APP: variants seen among roughly 807,000 people sequenced by gnomAD.
The protein encoded by APP is amyloid beta precursor protein, also known as amyloid-beta precursor protein.
A neutral mutation model predicts 101.4 loss-of-function variants in APP; 31 were observed. The ratio of observed to expected loss-of-function variants is 0.31; its 90% confidence interval spans 0.23 to 0.41. The LOEUF (loss-of-function observed/expected upper bound fraction) is 0.41, where lower values mean the gene tolerates loss of function less well. APP is among the 10% of genes least tolerant of loss of function. The pLI is 1.00. For missense variants in APP, 839 were observed against 1,003.7 expected (o/e 0.84, Z 2.22); for synonymous variants, 366 against 364.4 (o/e 1.00, Z -0.05).
intron 15 of APP, among the ~76,000 whole-genome samples, chr21:25,899,588 C>T (rs973187771): frequency 5.9e-5 from 9 of 152,238 alleles, no homozygotes; most frequent in Non-Finnish European, 1.0e-4. Flanking sequence ...GTAACAGTGA[C>T]GTGAGTGAGC....
At chr21:26,057,397 A>C (rs45518140) in intron 3 of APP, among the ~76,000 whole-genome samples, 208 of 152,280 alleles carry the variant, frequency 1.4e-3, no homozygotes, top group African/African-American at 4.7e-3. Context: ...TACAGTATGC[A>C]TGTTTATTGA....
intron 15 of APP, among the ~76,000 whole-genome samples, chr21:25,898,295 A>G (rs1285084244): frequency 6.6e-6 from 1 of 152,218 alleles, no homozygotes; most frequent in Non-Finnish European, 1.5e-5. Flanking sequence ...GCTTCTTAGC[A>G]ACTAACAGAA....
At chr21:26,126,410 C>CA (rs2062685959) in intron 1 of APP, among the ~76,000 whole-genome samples, 1 of 152,222 alleles carries the variant, frequency 6.6e-6, no homozygotes, top group African/African-American at 2.4e-5. Flanking sequence ...CCATAACACT[C>CA]ACTTTGTTTT....
intron 16 of APP, among the ~76,000 whole-genome samples, chr21:25,897,302 G>T (rs1226142216): frequency 6.6e-6 from 1 of 152,130 alleles, no homozygotes. Context: ...TTTTAGTAGA[G>T]ATGGGGTTTC....
At chr21:25,900,222 T>C (rs555724192) in intron 15 of APP, among the ~76,000 whole-genome samples, 1 of 152,084 alleles carries the variant, frequency 6.6e-6, no homozygotes, top group Middle Eastern at 3.4e-3. Flanking sequence ...TAGAGCTCAC[T>C]CCTTTTCTGT....
chr21:26,121,255 T>TA (rs1312492102), intron 1 of APP, among the ~76,000 whole-genome samples: 5 of 152,200 alleles, frequency 3.3e-5, no homozygotes, highest in African/African-American at 7.2e-5. Context: ...TGCCCTGAAA[T>TA]AGAGTATCCC....
chr21:26,049,179 G>A (rs2045734191), intron 5 of APP, among the ~76,000 whole-genome samples: 1 of 152,186 alleles, frequency 6.6e-6, no homozygotes, highest in South Asian at 2.1e-4. Flanking sequence ...GAAGCCTGGG[G>A]GTGTGGGGGA....
rs867455782 is a variant in APP, at chr21:25,955,814, T to C, written c.1459-59A>G. The C allele has an allele frequency of 1.0e-4, 162 of 1,612,252 alleles. 1 individual carries two copies. The highest frequency in any genetic ancestry group is 1.2e-4 in the Non-Finnish European group (147 of 1,178,944). On this transcript the variant is annotated intron_variant, in intron 11 of 17. Transcript: ENST00000346798. Reference sequence around the variant, plus strand: ...TTTGTGCAAAACACTGCTTCTTCCATTGGCGATGGGTTAGAGGTTCCACTA... The same window carrying C: ...TTTGTGCAAAACACTGCTTCTTCCACTGGCGATGGGTTAGAGGTTCCACTA...
intron 13 of APP, among the ~76,000 whole-genome samples, chr21:25,930,648 C>T (rs1223648107): frequency 6.6e-6 from 1 of 152,068 alleles, no homozygotes. Context: ...ACAGACAGCA[C>T]ATCATCCTTG....
intron 3 of APP, among the ~76,000 whole-genome samples, chr21:26,084,332 G>A (rs866592368): frequency 7.1e-6 from 1 of 140,696 alleles, no homozygotes; most frequent in South Asian, 2.2e-4. Flanking sequence ...TCCGCCTCCC[G>A]GGTTCACGCC....
At chr21:26,083,520 T>C (rs2061639634) in intron 3 of APP, among the ~76,000 whole-genome samples, 1 of 152,258 alleles carries the variant, frequency 6.6e-6, no homozygotes, top group South Asian at 2.1e-4. Flanking sequence ...TGATTATTTT[T>C]AGCTAGTGGT....
At chr21:25,933,004 G>A (rs1223993334) in intron 13 of APP, among the ~76,000 whole-genome samples, 4 of 152,262 alleles carry the variant, frequency 2.6e-5, no homozygotes, top group African/African-American at 9.6e-5. Flanking sequence ...CATAATAGAT[G>A]TGCATATTTT....
Position 26,089,987 on chromosome 21 carries a change from T to C in APP, c.311A>G (p.Gln104Arg), listed in dbSNP as rs1449764914. ...CACAAAGTGGGGATGGGTCTTGCAC[T>C]GCTTGCGGCCCCGCTTGCACCAGTT... ...IQNWCKRGRK[Q>R]CKTHPHFVIP... Residue 104 changes from glutamine to arginine, a missense_variant, in exon 3 of 18, where the codon CAG becomes CGG. Transcript: ENST00000346798. 6.2e-7 allele frequency: 1 copy of C among 1,614,232 alleles called. No individual in the cohort carries two copies. The highest frequency in any genetic ancestry group is 1.7e-5 in the Admixed American group (1 of 60,026).
rs113902200 is a variant in APP, at chr21:25,997,359, C to G, written c.1090+1G>C. 1 of 1,613,560 alleles carries G rather than the reference C, an allele frequency of 6.2e-7. No homozygotes were observed. Among genetic ancestry groups the G allele is most frequent in the Non-Finnish European group, 8.5e-7 (1 of 1,179,530 alleles). ...CTTCCCTCAGGTGAATGACAACGTA[C>G]GTTTAACAGGATCTCGGGCAAGAGG... is the stretch of plus-strand genomic sequence containing the variant. On this transcript the variant is annotated splice_donor_variant, in intron 8 of 17. Transcript: ENST00000346798. LOFTEE classifies it high-confidence loss of function.
chr21:26,087,541 G>A (rs1358612445), intron 3 of APP, among the ~76,000 whole-genome samples: 3 of 152,184 alleles, frequency 2.0e-5, no homozygotes, highest in Admixed American at 1.3e-4. Context: ...GAATCTGTTC[G>A]GAGGATGAAA....
chr21:26,157,311 C>A (rs141948007), intron 1 of APP, among the ~76,000 whole-genome samples: 121 of 152,236 alleles, frequency 7.9e-4, no homozygotes, highest in Admixed American at 2.1e-3. Flanking sequence ...CTCAAGTGAT[C>A]CACCCACCTC....
At chr21:26,038,071 T>A (rs950348859) in intron 5 of APP, among the ~76,000 whole-genome samples, 1 of 152,162 alleles carries the variant, frequency 6.6e-6, no homozygotes, top group African/African-American at 2.4e-5. Context: ...CTATTTAAAA[T>A]GTCCAAAACA....
intron 15 of APP, among the ~76,000 whole-genome samples, chr21:25,903,832 C>T (rs995827529): frequency 6.6e-6 from 1 of 152,200 alleles, no homozygotes; most frequent in Non-Finnish European, 1.5e-5. Flanking sequence ...ATCAACGAGA[C>T]CAGCTGTCAA....
In APP at chr21:25,918,292, C is replaced by T. The variant is rs546999089; in HGVS notation, c.1688-6330G>A. 1.8e-4 allele frequency among the ~76,000 whole-genome samples: 27 copies of T among 152,224 alleles called. 1 individual carries two copies. Among genetic ancestry groups the T allele is most frequent in the South Asian group, 1.0e-3 (5 of 4,824 alleles). The stretch of plus-strand genomic sequence containing the variant: ...TGGAACCAACCAAAATGTCCATCAA[C>T]GATAGACTGGATAAAGAAAATGTGG... On this transcript the variant is annotated intron_variant, in intron 13 of 17. Transcript: ENST00000346798.
Sources: gnomAD v4.1 joint callset for allele counts (sites outside exome capture counted in the v4.1 genomes callset) on GRCh38, gnomAD v4.1.1 for gene constraint, MANE v1.5 for transcripts, NCBI Gene and HGNC (gene_info 2026-07-23, HGNC 2026-07-21) for gene names.